Variants in PRRC2C observed in about 807,000 individuals in gnomAD.
PRRC2C encodes protein PRRC2C.
A neutral mutation model predicts 317.2 loss-of-function variants in PRRC2C; 72 were observed. The observed-to-expected ratio is 0.23, with a 90% CI of 0.19 to 0.28. PRRC2C has a LOEUF of 0.28. PRRC2C is among the 10% of genes least tolerant of loss of function. The pLI, the probability that PRRC2C is intolerant of heterozygous loss-of-function variation, is 1.00. For missense variants in PRRC2C, 3,074 were observed against 3,459.7 expected (o/e 0.89, Z 2.80); for synonymous variants, 1,296 against 1,205.9 (o/e 1.07, Z -1.55).
chr1:171,521,464 A>G (rs1673539253), intron 6 of PRRC2C, among the ~76,000 whole-genome samples: 1 of 152,190 alleles, frequency 6.6e-6, no homozygotes, highest in Non-Finnish European at 1.5e-5. Context: ...ACAGTTTATA[A>G]TGATCATCTG....
intron 20 of PRRC2C, among the ~76,000 whole-genome samples, chr1:171,562,571 T>C (rs888683863): frequency 6.6e-6 from 1 of 152,226 alleles, no homozygotes; most frequent in African/African-American, 2.4e-5. Flanking sequence ...AAGATTGAGC[T>C]GACAAGATTT....
intron 15 of PRRC2C, among the ~76,000 whole-genome samples, chr1:171,539,722 C>T (rs948002077): frequency 6.6e-6 from 1 of 152,140 alleles, no homozygotes; most frequent in Non-Finnish European, 1.5e-5. Context: ...TCTTTTTTAT[C>T]CCTGAATAAT....
At chr1:171,565,231 T>A (rs960515222) in intron 20 of PRRC2C, among the ~76,000 whole-genome samples, 11 of 152,200 alleles carry the variant, frequency 7.2e-5, no homozygotes, top group Admixed American at 1.3e-4. Flanking sequence ...CTCTTTCCAC[T>A]GATCTTGTCT....
chr1:171,545,505 C>T lies in PRRC2C; in HGVS notation c.4790C>T (p.Thr1597Ile), dbSNP rs1394567729. 3 of 1,576,948 alleles carry T rather than the reference C, an allele frequency of 1.9e-6. No individual in the cohort carries two copies. Among genetic ancestry groups the T allele is most frequent in the Non-Finnish European group, 1.7e-6 (2 of 1,160,812 alleles). Residue 1597 changes from threonine to isoleucine, a missense_variant, in exon 17 of 35, where the codon ACA becomes ATA. Transcript: ENST00000647382. Reference protein sequence around the residue: ...RGPFDDQPAGTTGVDLINGSS... With the variant: ...RGPFDDQPAGITGVDLINGSS... ...CCATTTGATGACCAGCCTGCAGGCA[C>T]AACTGGGGTTGACCTCATCAATGGC...
At chr1:171,587,524 A>G (rs1650319460) in intron 31 of PRRC2C, 124 bp from the exon 32 acceptor site, 1 of 672,720 alleles carries the variant, frequency 1.5e-6, no homozygotes, top group South Asian at 2.0e-5. Flanking sequence ...GCCTAACTAT[A>G]GGAGTTTTGT....
chr1:171,516,343 T>A (rs1390442033), intron 5 of PRRC2C, among the ~76,000 whole-genome samples: 1 of 152,220 alleles, frequency 6.6e-6, no homozygotes, highest in Non-Finnish European at 1.5e-5. Context: ...TTTAAATGTC[T>A]TCTTAATTGT....
At position 171,535,437 on chromosome 1, in the gene PRRC2C, C is replaced by T. The variant is rs773874403; in HGVS notation, c.1883C>T (p.Pro628Leu). Residue 628 changes from proline (P) to leucine (L), a missense_variant, in exon 13 of 35, where the codon CCC becomes CTC. Physicochemically the swap from Pro to Leu is moderately conservative, Grantham distance 98 (BLOSUM62 -3). Around this residue, in one of 11 missense-constraint regions of PRRC2C, gnomAD observed 1,320 missense variants for 1,395.7 expected, o/e 0.95. Transcript: ENST00000647382. ...SENSCNKEEE[P>L]VFTRQDSNRS... The stretch of plus-strand genomic sequence containing the variant: ...CCTTTTCTTTGAGCAGAGGAGGAAC[C>T]CGTTTTCACTAGACAAGACAGCAAT... 1.2e-6 allele frequency: 2 copies of T among 1,612,006 alleles called. No individual in the cohort carries two copies. The highest frequency in any genetic ancestry group is 1.1e-5 in the South Asian group (1 of 90,666).
At chr1:171,572,151 T>TA (rs903373973) in intron 24 of PRRC2C, among the ~76,000 whole-genome samples, 6 of 151,970 alleles carry the variant, frequency 3.9e-5, no homozygotes, top group East Asian at 1.9e-4. Context: ...TTTTTTAATT[T>TA]AAAAAAAAAT....
intron 33 of PRRC2C, 52 bp from the exon 34 acceptor site, chr1:171,589,317 T>G (rs867426740): frequency 7.8e-5 from 55 of 705,842 alleles, no homozygotes; most frequent in Admixed American, 2.9e-4. Flanking sequence ...AGTTTTTTTT[T>G]TTTTTTTTTT....
At chr1:171,523,763 C>T (rs1242941440) in intron 9 of PRRC2C, among the ~76,000 whole-genome samples, 3 of 151,994 alleles carry the variant, frequency 2.0e-5, no homozygotes, top group Non-Finnish European at 4.4e-5. Context: ...GGGCTGGGTG[C>T]GGTGGCTCAC....
chr1:171,550,466 C>CT (rs11299449), intron 18 of PRRC2C, among the ~76,000 whole-genome samples: 320 of 145,866 alleles, frequency 2.2e-3, no homozygotes, highest in Admixed American at 2.9e-3. Flanking sequence ...CAAAGACCAT[C>CT]TTTTTTTTTT....
At chr1:171,578,323 C>CAGAA (rs1163779549) in intron 26 of PRRC2C, among the ~76,000 whole-genome samples, 3 of 151,792 alleles carry the variant, frequency 2.0e-5, no homozygotes, top group African/African-American at 7.3e-5. Context: ...GAGGCCAAGG[C>CAGAA]AGAAGGATTA....
At position 171,579,551 on chromosome 1, in the gene PRRC2C, A is replaced by G. The variant is rs1341363178; in HGVS notation, c.7272+85A>G. ...AGTTATCTTGGAACATAAATAATAG[A>G]CTCTGAAATTACAAGCTACCCACGA... is the stretch of plus-strand genomic sequence containing the variant. On this transcript the variant is annotated intron_variant, in intron 27 of 34. Transcript: ENST00000647382. The G allele has an allele frequency of 2.0e-6, 3 of 1,473,494 alleles. No homozygotes were observed. The African/African-American group carries it at 4.2e-5, about 21-fold the overall frequency. 91.3% of individuals were successfully genotyped at this position (1,473,494 alleles called of 1,614,324 possible). A position where few individuals can be genotyped will look rare whatever the true frequency, so the allele number is the denominator to read the frequency against.
chr1:171,536,993 TC>T (rs746215979), intron 14 of PRRC2C, among the ~76,000 whole-genome samples: 10 of 152,220 alleles, frequency 6.6e-5, no homozygotes, highest in Non-Finnish European at 1.0e-4. Flanking sequence ...ATATTTTCTT[TC>T]TTTTGAAGTA....
At position 171,524,890 on chromosome 1, in the gene PRRC2C, TA is replaced by T; in HGVS notation, c.1128del (p.Lys376AsnfsTer12). 6.2e-7 allele frequency: 1 copy of T among 1,610,264 alleles called. No homozygotes were observed. Among genetic ancestry groups the T allele is most frequent in the Admixed American group, 1.7e-5 (1 of 59,594 alleles). The part of the protein sequence containing the change: ...KKETDEVSNT[K>X]SSSQIPAQPS... ...AAGAAACAGATGAAGTTTCCAACAC[TA>T]AATCATCTTCCCAAATACCTGCCCA... On this transcript the variant is annotated frameshift_variant, in exon 10 of 35. Coordinates refer to ENST00000647382, the MANE Select transcript of PRRC2C (RefSeq NM_001387844.1). LOFTEE classifies it high-confidence loss of function.
Position 171,517,586 on chromosome 1 carries a change from A to T in PRRC2C, c.527-5A>T. 6.2e-7 allele frequency: 1 copy of T among 1,610,840 alleles called. No individual in the cohort carries two copies. Among genetic ancestry groups the T allele is most frequent in the Non-Finnish European group, 8.5e-7 (1 of 1,178,374 alleles). ...TTTTTCCTTTTTTCTCTGCCTTCAT[A>T]CTAGATGTTGCTTGTTGGAGAGATG... On this transcript the variant is annotated splice_region_variant and splice_polypyrimidine_tract_variant and intron_variant, in intron 5 of 34. Coordinates refer to ENST00000647382, the MANE Select transcript of PRRC2C (RefSeq NM_001387844.1).
rs1374387971 is a variant in PRRC2C, at chr1:171,587,013, C to G, written c.7760C>G (p.Pro2587Arg). 2 of 1,603,394 alleles carry G rather than the reference C, an allele frequency of 1.2e-6. No homozygotes were observed. Among genetic ancestry groups the G allele is most frequent in the Non-Finnish European group, 1.7e-6 (2 of 1,173,672 alleles). The change falls in exon 31 of 35, where the codon CCT becomes CGT. Residue 2587 changes from proline to arginine, a missense_variant. Around this residue, in one of 11 missense-constraint regions of PRRC2C, gnomAD observed 490 missense variants for 663.1 expected, o/e 0.74. Transcript: ENST00000647382. ...TTACTTATTTTCTAGGTTACAGTAC[C>G]TTTACCAGCATCGCAGCTTTCCTTG... The part of the protein sequence containing the change: ...SPSALQQVTV[P>R]LPASQLSLPN...
At position 171,515,740 on chromosome 1, in the gene PRRC2C, A is replaced by G. The variant is rs141058436; in HGVS notation, c.407A>G (p.Gln136Arg). The change falls in exon 5 of 35, where the codon CAA (glutamine) becomes CGA (arginine). Residue 136 changes from glutamine to arginine, a missense_variant. Coordinates refer to ENST00000647382, the MANE Select transcript of PRRC2C (RefSeq NM_001387844.1). ...TTTTTAAAAAAATCTATAGGAATCC[A>G]AGTGAATAGTCAGTTTCAGCAAGAA... is the stretch of plus-strand genomic sequence containing the variant. ...NKQGGQGDGI[Q>R]VNSQFQQEFP... 4 of 1,599,358 alleles carry G rather than the reference A, an allele frequency of 2.5e-6. No individual in the cohort carries two copies. In the African/African-American group the frequency reaches 5.4e-5, roughly 22 times the overall value.
chr1:171,577,203 T>C (rs1647233842), intron 25 of PRRC2C, among the ~76,000 whole-genome samples: 1 of 152,236 alleles, frequency 6.6e-6, no homozygotes, highest in Admixed American at 6.5e-5. Flanking sequence ...TTTGTTTCTT[T>C]CTTGTTTTGA....
Sources: allele counts gnomAD v4.1 joint callset (sites outside exome capture counted in the v4.1 genomes callset), GRCh38; gene constraint gnomAD v4.1.1; regional missense constraint gnomAD v4.1.1; transcripts MANE v1.5; gene names NCBI Gene and HGNC (gene_info 2026-07-23, HGNC 2026-07-21).